The following SPEF2 variants were observed in gnomAD, a reference collection of about 807,000 sequenced individuals.
SPEF2 encodes sperm flagella and cilia-associated protein 2.
In SPEF2, 187 loss-of-function variants were observed where a neutral mutation model predicts 224.6. The observed-to-expected ratio is 0.83, with a 90% CI of 0.74 to 0.94. The LOEUF is 0.94. Ranked by LOEUF, SPEF2 falls within the 40% of genes least tolerant of loss-of-function variation. The pLI is 0.00. For synonymous variants in SPEF2, 715 were observed against 707.3 expected (o/e 1.01, Z -0.17); for missense variants, 2,170 against 2,135.6 (o/e 1.02, Z -0.32).
At chr5:35,662,056 G>A (rs191758825) in intron 8 of SPEF2, among the ~76,000 whole-genome samples, 61 of 152,238 alleles carry the variant, frequency 4.0e-4, no homozygotes, top group African/African-American at 1.4e-3. Context: ...GTGTAAAAGT[G>A]TTCCTTTTTC....
intron 10 of SPEF2, among the ~76,000 whole-genome samples, chr5:35,685,812 G>A (rs1753526061): frequency 1.3e-5 from 2 of 149,806 alleles, no homozygotes; most frequent in Non-Finnish European, 3.0e-5. Context: ...CCAGAAAATG[G>A]TTAGGAAATG....
chr5:35,645,501 A>G (rs1005747903), intron 4 of SPEF2, among the ~76,000 whole-genome samples: 2 of 152,192 alleles, frequency 1.3e-5, no homozygotes, highest in Non-Finnish European at 2.9e-5. Flanking sequence ...TAGAGTTTAT[A>G]TATAATAAAA....
chr5:35,780,050 G>A (rs116657083), intron 30 of SPEF2, among the ~76,000 whole-genome samples: 1,646 of 152,220 alleles, frequency 0.011, 40 homozygotes, highest in African/African-American at 0.039. Flanking sequence ...TCTAGATACT[G>A]ACTCACAGAG....
chr5:35,795,106 G>A (rs1756478021), intron 32 of SPEF2, among the ~76,000 whole-genome samples: 1 of 152,080 alleles, frequency 6.6e-6, no homozygotes, highest in Non-Finnish European at 1.5e-5. Flanking sequence ...CAGTAAAATA[G>A]TATGCTTGCA....
At chr5:35,721,566 G>T (rs1309623048) in intron 20 of SPEF2, among the ~76,000 whole-genome samples, 4 of 152,140 alleles carry the variant, frequency 2.6e-5, no homozygotes, top group Non-Finnish European at 5.9e-5. Context: ...ATCTGACCTG[G>T]ATTTTACCAA....
At chr5:35,683,474 A>T (rs1205401855) in intron 10 of SPEF2, among the ~76,000 whole-genome samples, 1 of 152,100 alleles carries the variant, frequency 6.6e-6, no homozygotes, top group Non-Finnish European at 1.5e-5. Flanking sequence ...AAAATCCAAA[A>T]ATTAGCTAGG....
At chr5:35,702,400 G>A in intron 16 of SPEF2, 1 of 439,432 alleles carries the variant, frequency 2.3e-6, no homozygotes, top group African/African-American at 2.0e-5. Context: ...AGAGTAAAAG[G>A]CTGCATTGGA....
At chr5:35,765,248 T>C (rs557498972) in intron 26 of SPEF2, among the ~76,000 whole-genome samples, 1 of 152,220 alleles carries the variant, frequency 6.6e-6, no homozygotes, top group Non-Finnish European at 1.5e-5. Context: ...TGCTCAACTT[T>C]CTTTGTGAGA....
chr5:35,751,546 G>A (rs1170709331), intron 23 of SPEF2, among the ~76,000 whole-genome samples: 1 of 151,812 alleles, frequency 6.6e-6, no homozygotes, highest in Non-Finnish European at 1.5e-5. Context: ...ATACCTGACA[G>A]AGCATTTATG....
At chr5:35,646,831 G>A in intron 5 of SPEF2, 24 bp downstream of exon 5, 1 of 1,611,230 alleles carries the variant, frequency 6.2e-7, no homozygotes, top group Non-Finnish European at 8.5e-7. Flanking sequence ...CTTTAATATT[G>A]TGCTGTGTTT....
At chr5:35,737,076 C>A (rs1265032139) in intron 21 of SPEF2, among the ~76,000 whole-genome samples, 2 of 152,094 alleles carry the variant, frequency 1.3e-5, no homozygotes, top group Admixed American at 1.3e-4. Flanking sequence ...ATTACAAATT[C>A]TTTGAAGAAA....
chr5:35,659,608 A>C (rs746255643), intron 8 of SPEF2, among the ~76,000 whole-genome samples: 1 of 152,134 alleles, frequency 6.6e-6, no homozygotes, highest in Non-Finnish European at 1.5e-5. Flanking sequence ...CTGTATATAA[A>C]ATGGTTAGTT....
At chr5:35,710,511 T>G in intron 19 of SPEF2, 1 of 860,578 alleles carries the variant, frequency 1.2e-6, no homozygotes, top group Non-Finnish European at 1.4e-6. Flanking sequence ...GAGCCGAGAT[T>G]GCCCCACTGC....
chr5:35,619,285 C>T (rs1170731824), intron 1 of SPEF2, among the ~76,000 whole-genome samples: 1 of 152,142 alleles, frequency 6.6e-6, no homozygotes, highest in Non-Finnish European at 1.5e-5. Context: ...CCTGTCTCAC[C>T]ATAGGAGCCA....
At chr5:35,635,624 C>T (rs1174479107) in intron 2 of SPEF2, among the ~76,000 whole-genome samples, 2 of 152,142 alleles carry the variant, frequency 1.3e-5, no homozygotes, top group Non-Finnish European at 2.9e-5. Flanking sequence ...AATGTTAACA[C>T]TGTTTTCCAA....
chr5:35,800,019 T>A lies in SPEF2; in HGVS notation c.4882T>A (p.Tyr1628Asn). ...TGAGAAGGATCCACCCCAGCTTGAC[T>A]ACACACAGATGCTGCTTTACTTTGC... The part of the protein sequence containing the change: ...DYEKDPPQLD[Y>N]TQMLLYFACH... The change falls in exon 34 of 37, where the codon TAC (tyrosine) becomes AAC (asparagine). Residue 1628 changes from tyrosine to asparagine, a missense_variant. Transcript: ENST00000356031. The A allele has an allele frequency of 6.2e-7, 1 of 1,614,134 alleles. No homozygotes were observed. Among genetic ancestry groups the A allele is most frequent in the Non-Finnish European group, 8.5e-7 (1 of 1,180,020 alleles).
At chr5:35,807,674 T>C in intron 36 of SPEF2, 1 of 1,536,072 alleles carries the variant, frequency 6.5e-7, no homozygotes, top group East Asian at 2.4e-5. Context: ...TGATAGTGTG[T>C]GCAAAAGGTT....
At position 35,751,118 on chromosome 5, in the gene SPEF2, T is replaced by TATGA. The variant is rs1205071419; in HGVS notation, c.3331-2506_3331-2505insATGA. Among the ~76,000 whole-genome samples the TATGA allele has an allele frequency of 2.8e-3, 242 of 87,764 alleles. 1 individual carries two copies. Among genetic ancestry groups the TATGA allele is most frequent in the African/African-American group, 9.6e-3 (229 of 23,842 alleles). 57.6% of individuals were successfully genotyped at this position (87,764 alleles called of 152,430 possible). Reference sequence around the variant, plus strand: ...ACACATATATATATATATATATATATGATGGAATGCTACTCAGCCATAAAA... The same window carrying TATGA: ...ACACATATATATATATATATATATATATGAGATGGAATGCTACTCAGCCATAAAA... On this transcript the variant is annotated intron_variant, in intron 23 of 36. Coordinates refer to ENST00000356031, the MANE Select transcript of SPEF2 (RefSeq NM_024867.4).
At chr5:35,728,505 G>T (rs1164607376) in intron 21 of SPEF2, among the ~76,000 whole-genome samples, 4 of 152,116 alleles carry the variant, frequency 2.6e-5, no homozygotes, top group Admixed American at 6.6e-5. Flanking sequence ...ATTCCAGTCC[G>T]CAATGATCTC....
Sources: gnomAD v4.1 joint callset for allele counts (sites outside exome capture counted in the v4.1 genomes callset) on GRCh38, gnomAD v4.1.1 for gene constraint, MANE v1.5 for transcripts, NCBI Gene and HGNC (gene_info 2026-07-23, HGNC 2026-07-21) for gene names.